The following CLNK variants were observed in gnomAD, a reference collection of about 807,000 sequenced individuals.
The protein encoded by CLNK is cytokine-dependent hematopoietic cell linker.
A neutral mutation model predicts 68.6 loss-of-function variants in CLNK; 74 were observed. That is an observed-to-expected ratio of 1.08 (90% CI 0.89 to 1.31). CLNK has a LOEUF of 1.31. Among genes scored for constraint, CLNK ranks in the 50% most tolerant of loss-of-function variants. CLNK has a pLI of 0.00. For synonymous variants in CLNK, 198 were observed against 172.2 expected, an observed-to-expected ratio of 1.15 and a Z score of -1.17; for missense variants, 553 against 515.3, an observed-to-expected ratio of 1.07 and a Z score of -0.71.
intron 2 of CLNK, among the ~76,000 whole-genome samples, chr4:10,650,115 A>G (rs1285120596): frequency 2.0e-5 from 3 of 152,182 alleles, no homozygotes; most frequent in Admixed American, 1.3e-4. Flanking sequence ...TGTGAAAAAA[A>G]TTATATTATA....
intron 2 of CLNK, among the ~76,000 whole-genome samples, chr4:10,646,668 C>CT (rs1367458195): frequency 6.6e-6 from 1 of 152,096 alleles, no homozygotes; most frequent in Non-Finnish European, 1.5e-5. Context: ...TAGAGAAGGG[C>CT]TTTCTTCTCT....
At chr4:10,499,527 G>A (rs1008118443) in intron 18 of CLNK, among the ~76,000 whole-genome samples, 7 of 152,156 alleles carry the variant, frequency 4.6e-5, no homozygotes, top group African/African-American at 1.2e-4. Flanking sequence ...TGCAGCCTGC[G>A]CATCGATTTC....
intron 5 of CLNK, among the ~76,000 whole-genome samples, chr4:10,568,745 C>A (rs996293986): frequency 1.3e-4 from 20 of 152,260 alleles, no homozygotes; most frequent in Non-Finnish European, 2.1e-4. Flanking sequence ...CTCTTCAGAG[C>A]CCCTGGAGGA....
At chr4:10,705,920 C>A in the CLNK span, among the ~76,000 whole-genome samples, 1 of 152,178 alleles carries the variant, frequency 6.6e-6, no homozygotes, top group Non-Finnish European at 1.5e-5. Flanking sequence ...ATTTGAGAAG[C>A]CCATAGGCTC....
At chr4:10,636,556 G>A (rs557101821) in intron 2 of CLNK, among the ~76,000 whole-genome samples, 2 of 152,248 alleles carry the variant, frequency 1.3e-5, no homozygotes, top group African/African-American at 2.4e-5. Flanking sequence ...GCAGTCCTAG[G>A]AAAACATATA....
rs1718569410 is a variant in CLNK, at chr4:10,532,159, A to T, written c.630+97T>A. 3 of 868,782 alleles carry T rather than the reference A, an allele frequency of 3.5e-6. No homozygotes were observed. In the Admixed American group the frequency reaches 5.9e-5, roughly 17 times the overall value. The allele number at this position is 868,782 out of a possible 1,614,324, so 53.8% of individuals were successfully genotyped here. On this transcript the variant is annotated intron_variant, in intron 12 of 18. Coordinates refer to ENST00000226951, the MANE Select transcript of CLNK (RefSeq NM_052964.4). ...TTGAGCATAGCTATTGTGAGAACTA[A>T]GTGTAAGTATCTGAAGCAAATAGAA...
intron 1 of CLNK, among the ~76,000 whole-genome samples, chr4:10,677,702 C>T (rs1196271217): frequency 6.6e-6 from 1 of 152,134 alleles, no homozygotes; most frequent in Non-Finnish European, 1.5e-5. Context: ...GCTTCCCCTT[C>T]TGCCATGATT....
At chr4:10,608,701 TGC>T (rs1721879684) in intron 2 of CLNK, among the ~76,000 whole-genome samples, 1 of 152,246 alleles carries the variant, frequency 6.6e-6, no homozygotes. Context: ...AAGTCAACTA[TGC>T]ATTAAGTAGC....
chr4:10,497,468 T>C (rs1234439402), intron 18 of CLNK, among the ~76,000 whole-genome samples: 1 of 152,254 alleles, frequency 6.6e-6, no homozygotes, highest in Non-Finnish European at 1.5e-5. Flanking sequence ...AAGGAGCTTC[T>C]TAAAACAGAC....
chr4:10,637,340 C>G (rs1406309264), intron 2 of CLNK, among the ~76,000 whole-genome samples: 1 of 151,804 alleles, frequency 6.6e-6, no homozygotes, highest in African/African-American at 2.4e-5. Context: ...CTTTGTATCA[C>G]TGCTTGGAAG....
chr4:10,618,385 C>T (rs1399244823), intron 2 of CLNK, among the ~76,000 whole-genome samples: 1 of 152,020 alleles, frequency 6.6e-6, no homozygotes, highest in Non-Finnish European at 1.5e-5. Flanking sequence ...CTGGGATCAA[C>T]CATAAATGGG....
intron 2 of CLNK, among the ~76,000 whole-genome samples, chr4:10,623,328 A>G (rs1435904851): frequency 6.6e-6 from 1 of 152,236 alleles, no homozygotes; most frequent in East Asian, 1.9e-4. Context: ...GCCGTCTTAT[A>G]GGATGCTCTT....
At chr4:10,599,878 G>A (rs1413829188) in intron 2 of CLNK, among the ~76,000 whole-genome samples, 1 of 152,140 alleles carries the variant, frequency 6.6e-6, no homozygotes. Flanking sequence ...TCTACCCCTA[G>A]CTGCTTTCCT....
At chr4:10,685,355 T>G (rs769121327), upstream of CLNK, among the ~76,000 whole-genome samples, 2 of 152,200 alleles carry the variant, frequency 1.3e-5, no homozygotes, top group Non-Finnish European at 2.9e-5. Context: ...TTTCCTTCAT[T>G]GAGGAAATGA....
chr4:10,626,225 G>A (rs1722669861), intron 2 of CLNK, among the ~76,000 whole-genome samples: 3 of 152,192 alleles, frequency 2.0e-5, no homozygotes, highest in Admixed American at 1.3e-4. Flanking sequence ...CTGCATCTGT[G>A]GAGTGAGGTT....
chr4:10,542,676 GTGTGTGTA>G (rs1330037547), intron 8 of CLNK, among the ~76,000 whole-genome samples: 8 of 148,992 alleles, frequency 5.4e-5, no homozygotes, highest in African/African-American at 1.8e-4. Flanking sequence ...GTGTGTGTGT[GTGTGTGTA>G]TATATATATA....
upstream of CLNK, among the ~76,000 whole-genome samples, chr4:10,687,773 T>G (rs921001635): frequency 4.6e-5 from 7 of 152,184 alleles, no homozygotes; most frequent in Non-Finnish European, 7.4e-5. Context: ...CTGTCTCACA[T>G]TCCACAGTTA....
Position 10,528,104 on chromosome 4 carries a change from A to C in CLNK, c.631-10T>G. The C allele has an allele frequency of 2.3e-6, 3 of 1,296,784 alleles. No homozygotes were observed. Among genetic ancestry groups the C allele is most frequent in the Non-Finnish European group, 3.0e-6 (3 of 995,042 alleles). The allele number at this position is 1,296,784 out of a possible 1,614,324, so 80.3% of individuals were successfully genotyped here. On this transcript the variant is annotated splice_polypyrimidine_tract_variant and intron_variant, in intron 12 of 18. Coordinates refer to ENST00000226951, the MANE Select transcript of CLNK (RefSeq NM_052964.4). ...TTTCTGCTTCAAGGACCTGTATTGA[A>C]TTAAAAAAAATAAAATTTACTGACT...
intron 16 of CLNK, among the ~76,000 whole-genome samples, chr4:10,509,504 A>G (rs1717471805): frequency 6.6e-6 from 1 of 150,516 alleles, no homozygotes; most frequent in Non-Finnish European, 1.5e-5. Flanking sequence ...TTTTGCATCA[A>G]GATTGGGACC....
Sources: allele counts gnomAD v4.1 joint callset (sites outside exome capture counted in the v4.1 genomes callset), GRCh38; gene constraint gnomAD v4.1.1; transcripts MANE v1.5; gene names NCBI Gene and HGNC (gene_info 2026-07-23, HGNC 2026-07-21).